SAMD5: variants seen among roughly 807,000 people sequenced by gnomAD.
The protein encoded by SAMD5 is sterile alpha motif domain containing 5, also known as sterile alpha motif domain-containing protein 5.
Under a neutral mutation model 11.3 loss-of-function variants are expected in SAMD5, and 13 were observed. The observed-to-expected ratio is 1.15, with a 90% confidence interval of 0.75 to 1.83. SAMD5 has a LOEUF of 1.83. Ranked by LOEUF, SAMD5 falls within the 40% of genes most tolerant of loss-of-function variation. The pLI, the probability that SAMD5 is intolerant of heterozygous loss-of-function variation, is 0.00. For missense variants in SAMD5, 255 were observed against 239.1 expected (o/e 1.07, Z -0.44); for synonymous variants, 129 against 111.3 (o/e 1.16, Z -1.00).
At chr6:147,808,507 T>C in the SAMD5 span, among the ~76,000 whole-genome samples, 1 of 152,200 alleles carries the variant, frequency 6.6e-6, no homozygotes, top group Non-Finnish European at 1.5e-5. Flanking sequence ...CCCAGCCTGG[T>C]TCAGCACTTT....
At chr6:147,932,339 A>G in the SAMD5 span, among the ~76,000 whole-genome samples, 15 of 152,106 alleles carry the variant, frequency 9.9e-5, no homozygotes, top group Non-Finnish European at 1.9e-4. Flanking sequence ...CCTGACTCAC[A>G]AACTAGTAGG....
intron 1 of SAMD5, among the ~76,000 whole-genome samples, chr6:147,696,051 T>C (rs1411566899): frequency 2.0e-5 from 3 of 152,186 alleles, no homozygotes; most frequent in Non-Finnish European, 4.4e-5. Context: ...AGACGGTTCA[T>C]GTCTGTAGTG....
the SAMD5 span, among the ~76,000 whole-genome samples, chr6:147,828,065 C>G: frequency 2.6e-5 from 4 of 152,064 alleles, no homozygotes; most frequent in Non-Finnish European, 5.9e-5. Flanking sequence ...GGATTACAGG[C>G]GTGAGCCACC....
the SAMD5 span, among the ~76,000 whole-genome samples, chr6:147,936,540 C>G: frequency 6.6e-6 from 1 of 152,010 alleles, no homozygotes; most frequent in Non-Finnish European, 1.5e-5. Flanking sequence ...TAGTGCTAAA[C>G]CAGTCATGAG....
chr6:147,593,360 A>T lies in SAMD5; in HGVS notation c.162+83973A>T, dbSNP rs544912435. On this transcript the variant is annotated intron_variant, in intron 1 of 1. Coordinates refer to the SAMD5 transcript ENST00000566741. The stretch of plus-strand genomic sequence containing the variant: ...GATAAATGTATCATCAATACACTGA[A>T]GCAAAAGGAGAGGGAGGCTAAGGGG... 2.0e-5 allele frequency among the ~76,000 whole-genome samples: 3 copies of T among 152,288 alleles called. No individual in the cohort carries two copies. In the South Asian group the frequency reaches 6.2e-4, roughly 32 times the overall value.
chr6:147,747,088 G>A, the SAMD5 span, among the ~76,000 whole-genome samples: 1 of 152,208 alleles, frequency 6.6e-6, no homozygotes, highest in Non-Finnish European at 1.5e-5. Flanking sequence ...GACACTAAAG[G>A]TGATGTCAAG....
At chr6:147,578,908 G>A (rs1789256083) in intron 1 of SAMD5, among the ~76,000 whole-genome samples, 1 of 152,182 alleles carries the variant, frequency 6.6e-6, no homozygotes, top group Non-Finnish European at 1.5e-5. Flanking sequence ...ACGTGGTCTT[G>A]GGCAAGTTAC....
At chr6:147,816,301 A>AAAAAAAAAAAAAAAAAAATAT in the SAMD5 span, among the ~76,000 whole-genome samples, 4 of 66,356 alleles carry the variant, frequency 6.0e-5, no homozygotes, top group South Asian at 4.8e-4. Context: ...AAAAAAAAAA[A>AAAAAAAAAAAAAAAAAAATAT]ATATATATAT....
the SAMD5 span, among the ~76,000 whole-genome samples, chr6:147,940,594 TATC>T: frequency 6.6e-6 from 1 of 152,218 alleles, no homozygotes. Flanking sequence ...TGTCAGCAAG[TATC>T]ATGTATTCTG....
chr6:147,519,310 TTAAG>T lies in SAMD5; in HGVS notation c.459+9927_459+9930del, dbSNP rs538990974. 2.9e-3 allele frequency among the ~76,000 whole-genome samples: 446 copies of T among 152,314 alleles called. 2 individuals are homozygous for T. Among genetic ancestry groups the T allele is most frequent in the African/African-American group, 0.01 (423 of 41,578 alleles). ...CTTCACTTTTATATGAAAATTTACT[TTAAG>T]TAATAGTCATGTAATAATACACAGT... is the stretch of plus-strand genomic sequence containing the variant. On this transcript the variant is annotated intron_variant, in intron 1 of 1. Transcript: ENST00000367474.
At chr6:147,548,512 T>C (rs1583077544) in intron 1 of SAMD5, among the ~76,000 whole-genome samples, 1 of 152,200 alleles carries the variant, frequency 6.6e-6, no homozygotes, top group Non-Finnish European at 1.5e-5. Context: ...TAGTCCCAGG[T>C]CTGTGACTAA....
chr6:147,862,973 C>T, the SAMD5 span, among the ~76,000 whole-genome samples: 3 of 151,968 alleles, frequency 2.0e-5, no homozygotes, highest in Non-Finnish European at 4.4e-5. Context: ...AGAGTATTTC[C>T]AAAAGCACAA....
the SAMD5 span, among the ~76,000 whole-genome samples, chr6:147,761,702 A>G: frequency 2.0e-5 from 3 of 152,256 alleles, no homozygotes; most frequent in East Asian, 5.8e-4. Context: ...GCCTGGTAAT[A>G]AAACAACTTT....
At chr6:147,892,346 A>G in the SAMD5 span, among the ~76,000 whole-genome samples, 1 of 152,218 alleles carries the variant, frequency 6.6e-6, no homozygotes, top group Non-Finnish European at 1.5e-5. Context: ...CTGCCCTATC[A>G]GGGATATTAT....
chr6:147,922,677 C>A, the SAMD5 span, among the ~76,000 whole-genome samples: 2 of 152,116 alleles, frequency 1.3e-5, no homozygotes. Context: ...ATGATGTGTT[C>A]AATAACTCGT....
the SAMD5 span, among the ~76,000 whole-genome samples, chr6:147,851,885 C>A: frequency 6.6e-6 from 1 of 151,990 alleles, no homozygotes; most frequent in Admixed American, 6.6e-5. Flanking sequence ...TTTTATCCCC[C>A]AAATTTAATT....
the SAMD5 span, among the ~76,000 whole-genome samples, chr6:147,888,350 G>A: frequency 6.6e-6 from 1 of 151,974 alleles, no homozygotes; most frequent in African/African-American, 2.4e-5. Flanking sequence ...TGATAGTGAT[G>A]AGTTCTTCTA....
chr6:147,510,348 C>T (rs371911319), intron 1 of SAMD5, among the ~76,000 whole-genome samples: 2 of 152,154 alleles, frequency 1.3e-5, no homozygotes, highest in Admixed American at 6.5e-5. Context: ...AGGCGGCTGT[C>T]GGAGTAGAGG....
intron 1 of SAMD5, among the ~76,000 whole-genome samples, chr6:147,722,824 C>T (rs1376034534): frequency 6.6e-6 from 1 of 152,136 alleles, no homozygotes; most frequent in African/African-American, 2.4e-5. Context: ...ACTTCTTGTT[C>T]TGTGAGGCCA....
Sources: allele counts gnomAD v4.1 joint callset (sites outside exome capture counted in the v4.1 genomes callset), GRCh38; gene constraint gnomAD v4.1.1; transcripts MANE v1.5; gene names NCBI Gene and HGNC (gene_info 2026-07-23, HGNC 2026-07-21).